The following FAM210A variants were observed in gnomAD, a reference collection of about 807,000 sequenced individuals.
FAM210A encodes family with sequence similarity 210 member A.
In FAM210A, 13 loss-of-function variants were observed where a neutral mutation model predicts 25.3. The observed-to-expected ratio is 0.51, with a 90% confidence interval of 0.33 to 0.82. FAM210A has a LOEUF of 0.82. FAM210A is among the 40% of genes least tolerant of loss of function. The probability of loss-of-function intolerance (pLI) is 0.02; values close to 1 mark genes in which losing one functional copy is unlikely to be tolerated. For missense variants in FAM210A, 319 were observed against 323.2 expected (o/e 0.99, Z 0.10); for synonymous variants, 125 against 118.7 (o/e 1.05, Z -0.35).
intron 3 of FAM210A, among the ~76,000 whole-genome samples, chr18:13,671,482 AG>A (rs1254668754): frequency 6.6e-6 from 1 of 152,188 alleles, no homozygotes; most frequent in Admixed American, 6.5e-5. Flanking sequence ...ATTTGACCAC[AG>A]GAAGTTATGA....
chr18:13,723,346 C>G (rs2043911812), intron 1 of FAM210A, among the ~76,000 whole-genome samples: 1 of 152,092 alleles, frequency 6.6e-6, no homozygotes. Context: ...TACAGAGATA[C>G]AGAACTGATA....
Position 13,665,542 on chromosome 18 carries a change from G to T in FAM210A, c.*938C>A, listed in dbSNP as rs1414360737. On this transcript the variant is annotated 3_prime_UTR_variant, in exon 4 of 4. Transcript: ENST00000651643. ...AGACATTGGGAAATTGCACTGGTTT[G>T]CTGAGGCAAGGCCCATGTCTACCCC... 6.6e-5 allele frequency: 10 copies of T among 152,034 alleles called. No homozygotes were observed. The highest frequency in any genetic ancestry group is 2.2e-4 in the African/African-American group (9 of 41,402). 9.4% of individuals were successfully genotyped at this position (152,034 alleles called of 1,614,324 possible).
chr18:13,681,085 C>T (rs2043549270), intron 2 of FAM210A, among the ~76,000 whole-genome samples: 1 of 152,178 alleles, frequency 6.6e-6, no homozygotes, highest in Admixed American at 6.5e-5. Flanking sequence ...GCAAAATAGA[C>T]ATCTTTTCAC....
In FAM210A at chr18:13,664,025, CCTG is replaced by C. The variant is rs929088371; in HGVS notation, c.*2452_*2454del. ...GCATATTGGTACTGTATTCTGTTAG[CCTG>C]CTATTAATACTCCAAACTCAACATA... is the stretch of plus-strand genomic sequence containing the variant. On this transcript the variant is annotated 3_prime_UTR_variant, in exon 4 of 4. Transcript: ENST00000651643. 1.3e-5 allele frequency: 2 copies of C among 152,124 alleles called. No homozygotes were observed. The highest frequency in any genetic ancestry group is 2.9e-5 in the Non-Finnish European group (2 of 68,030). 9.4% of individuals were successfully genotyped at this position (152,124 alleles called of 1,614,324 possible).
At chr18:13,676,994 T>C (rs373517132) in intron 2 of FAM210A, among the ~76,000 whole-genome samples, 6 of 151,920 alleles carry the variant, frequency 3.9e-5, no homozygotes, top group East Asian at 1.9e-4. Context: ...GGAAGGGCTC[T>C]ATTTGGCTGG....
intron 1 of FAM210A, among the ~76,000 whole-genome samples, chr18:13,705,587 T>G (rs1466209873): frequency 1.3e-5 from 2 of 152,146 alleles, no homozygotes; most frequent in Non-Finnish European, 2.9e-5. Context: ...TTCTCCTGCC[T>G]CAGCCTCCCG....
intron 1 of FAM210A, among the ~76,000 whole-genome samples, chr18:13,690,737 C>G (rs1323446297): frequency 1.3e-5 from 2 of 152,106 alleles, no homozygotes; most frequent in African/African-American, 4.8e-5. Context: ...GACATCCACA[C>G]CAAAACCCCA....
intron 1 of FAM210A, among the ~76,000 whole-genome samples, chr18:13,711,809 T>A (rs985918636): frequency 2.0e-5 from 3 of 152,214 alleles, no homozygotes; most frequent in African/African-American, 7.2e-5. Flanking sequence ...TCAACATCTT[T>A]TGTATCTGGG....
intron 2 of FAM210A, among the ~76,000 whole-genome samples, chr18:13,673,786 A>G (rs1489620591): frequency 7.8e-6 from 1 of 128,076 alleles, no homozygotes; most frequent in African/African-American, 3.1e-5. Flanking sequence ...CTTCATTTCC[A>G]GTTTCCTGAT....
At chr18:13,705,878 T>C (rs1035717418) in intron 1 of FAM210A, among the ~76,000 whole-genome samples, 5 of 152,318 alleles carry the variant, frequency 3.3e-5, no homozygotes, top group Middle Eastern at 3.4e-3. Flanking sequence ...ATTTAAACAT[T>C]TGTAGAGGGA....
intron 2 of FAM210A, among the ~76,000 whole-genome samples, chr18:13,672,662 C>G (rs1457725155): frequency 6.6e-6 from 1 of 152,166 alleles, no homozygotes; most frequent in African/African-American, 2.4e-5. Flanking sequence ...CCCGCCGCAG[C>G]CTTCCAAAGT....
intron 2 of FAM210A, among the ~76,000 whole-genome samples, chr18:13,673,174 C>T (rs147973852): frequency 0.013 from 1,935 of 151,752 alleles, 13 homozygotes; most frequent in African/African-American, 0.018. Flanking sequence ...TTTCCAGTTT[C>T]CTGATTATTA....
chr18:13,687,913 A>G (rs1601951106), intron 1 of FAM210A: 1 of 152,132 alleles, frequency 6.6e-6, no homozygotes, highest in Admixed American at 6.5e-5. Context: ...ATTGCTGCAG[A>G]CCCGCATGAA....
At chr18:13,711,990 T>A (rs1473994522) in intron 1 of FAM210A, among the ~76,000 whole-genome samples, 1 of 152,164 alleles carries the variant, frequency 6.6e-6, no homozygotes, top group Non-Finnish European at 1.5e-5. Flanking sequence ...AAATCGGTAC[T>A]GTGGAGAGTA....
chr18:13,677,753 G>A (rs376239168), intron 2 of FAM210A, among the ~76,000 whole-genome samples: 1 of 152,040 alleles, frequency 6.6e-6, no homozygotes, highest in Non-Finnish European at 1.5e-5. Flanking sequence ...AGGCAGGGTC[G>A]GTAGACCTCC....
intron 1 of FAM210A, among the ~76,000 whole-genome samples, chr18:13,709,373 T>C (rs1463228588): frequency 5.9e-5 from 9 of 152,224 alleles, no homozygotes; most frequent in African/African-American, 9.6e-5. Flanking sequence ...GCTCTGCCCA[T>C]AGGCTGAAAA....
chr18:13,703,783 A>G (rs529518514), intron 1 of FAM210A, among the ~76,000 whole-genome samples: 1 of 152,248 alleles, frequency 6.6e-6, no homozygotes, highest in African/African-American at 2.4e-5. Flanking sequence ...AAAGAAAAAT[A>G]AAAACTGTAG....
In FAM210A at chr18:13,665,714, C is replaced by CT. The variant is rs1350574956; in HGVS notation, c.*765dup. On this transcript the variant is annotated 3_prime_UTR_variant, in exon 4 of 4. Coordinates refer to ENST00000651643, the MANE Select transcript of FAM210A (RefSeq NM_152352.4). ...GGTTTAATGATTTTTTACCTTTCCT[C>CT]TGAAAGACAGTTGAAAAGGACACAA... 5.3e-5 allele frequency: 8 copies of CT among 151,976 alleles called. No individual in the cohort carries two copies. The highest frequency in any genetic ancestry group is 1.9e-4 in the African/African-American group (8 of 41,378). The allele number at this position is 151,976 out of a possible 1,614,324, so 9.4% of individuals were successfully genotyped here.
intron 1 of FAM210A, among the ~76,000 whole-genome samples, chr18:13,713,987 C>T (rs2043841640): frequency 2.0e-5 from 3 of 152,138 alleles, no homozygotes; most frequent in Admixed American, 6.6e-5. Context: ...TCCAGGGGTA[C>T]GAACCAGGGG....
Sources: gnomAD v4.1 joint callset for allele counts (sites outside exome capture counted in the v4.1 genomes callset) on GRCh38, gnomAD v4.1.1 for gene constraint, MANE v1.5 for transcripts, NCBI Gene and HGNC (gene_info 2026-07-23, HGNC 2026-07-21) for gene names.